GALNT7: variants seen among roughly 807,000 people sequenced by gnomAD.
GALNT7 encodes the protein polypeptide N-acetylgalactosaminyltransferase 7.
GALNT7 carries 60 observed loss-of-function variants against 82.1 expected under a neutral mutation model. The observed-to-expected ratio is 0.73, with a 90% confidence interval of 0.59 to 0.91. The LOEUF is 0.91. GALNT7 is among the 40% of genes least tolerant of loss of function. The pLI, the probability that GALNT7 is intolerant of heterozygous loss-of-function variation, is 0.00. For synonymous variants in GALNT7, 243 were observed against 275.1 expected (o/e 0.88, Z 1.15); for missense variants, 660 against 804.2 (o/e 0.82, Z 2.17).
At position 173,224,740 on chromosome 4, in the gene GALNT7, C is replaced by T. The variant is rs566656011; in HGVS notation, c.127-23240C>T. On this transcript the variant is annotated intron_variant, in intron 1 of 11. Coordinates refer to ENST00000265000, the MANE Select transcript of GALNT7 (RefSeq NM_017423.3). ...TAAAAATGCAAATATTGGCCGGGCG[C>T]GGTGGCTCACGCCTGTAATCCCAGC... Among the ~76,000 whole-genome samples the T allele has an allele frequency of 1.2e-3, 186 of 151,984 alleles. 1 individual carries two copies. Among genetic ancestry groups the T allele is most frequent in the African/African-American group, 3.8e-3 (156 of 41,448 alleles).
chr4:173,170,221 A>G (rs1298541184), intron 1 of GALNT7, among the ~76,000 whole-genome samples: 2 of 152,186 alleles, frequency 1.3e-5, no homozygotes, highest in Admixed American at 6.5e-5. Flanking sequence ...AGGAGAGGGT[A>G]TGAGGGGCTC....
intron 2 of GALNT7, among the ~76,000 whole-genome samples, chr4:173,262,702 AT>A (rs1265938693): frequency 6.6e-6 from 1 of 152,212 alleles, no homozygotes; most frequent in Non-Finnish European, 1.5e-5. Context: ...CTATTAAAAA[AT>A]AAATCATAAA....
chr4:173,190,924 A>C (rs552372058), intron 1 of GALNT7, among the ~76,000 whole-genome samples: 3 of 152,338 alleles, frequency 2.0e-5, no homozygotes, highest in African/African-American at 7.2e-5. Flanking sequence ...AAAAATCACT[A>C]TCAGACCCCA....
At chr4:173,233,682 G>A (rs1734116060) in intron 1 of GALNT7, among the ~76,000 whole-genome samples, 1 of 152,094 alleles carries the variant, frequency 6.6e-6, no homozygotes, top group African/African-American at 2.4e-5. Flanking sequence ...GGGGTTGTCC[G>A]CCTCCCAGCC....
intron 1 of GALNT7, among the ~76,000 whole-genome samples, chr4:173,235,995 CT>C (rs1351301885): frequency 6.6e-6 from 1 of 152,178 alleles, no homozygotes; most frequent in Non-Finnish European, 1.5e-5. Context: ...ATTTGCTTAC[CT>C]TTGTATCTCT....
At chr4:173,199,880 G>C (rs1561151269) in intron 1 of GALNT7, among the ~76,000 whole-genome samples, 1 of 152,094 alleles carries the variant, frequency 6.6e-6, no homozygotes, top group Non-Finnish European at 1.5e-5. Context: ...AATAAAAATG[G>C]ATTATCATAA....
intron 1 of GALNT7, among the ~76,000 whole-genome samples, chr4:173,184,895 T>C (rs891238517): frequency 6.6e-6 from 1 of 152,178 alleles, no homozygotes; most frequent in African/African-American, 2.4e-5. Context: ...CAGTTTTACA[T>C]GATAACCATA....
At chr4:173,200,979 T>C (rs2126653333) in intron 1 of GALNT7, among the ~76,000 whole-genome samples, 1 of 152,282 alleles carries the variant, frequency 6.6e-6, no homozygotes, top group Middle Eastern at 3.4e-3. Context: ...GGTATTTTCA[T>C]AGAGGTATTT....
intron 2 of GALNT7, among the ~76,000 whole-genome samples, chr4:173,252,905 G>C (rs1010774149): frequency 6.6e-6 from 1 of 152,060 alleles, no homozygotes; most frequent in Non-Finnish European, 1.5e-5. Context: ...AGGGGAGTCA[G>C]AAAAGGATAC....
chr4:173,259,250 A>G (rs566737180), intron 2 of GALNT7, among the ~76,000 whole-genome samples: 3 of 152,334 alleles, frequency 2.0e-5, no homozygotes, highest in African/African-American at 7.2e-5. Context: ...CAGATTGATG[A>G]AATGGGACAA....
chr4:173,238,793 A>G (rs1032738714), intron 1 of GALNT7, among the ~76,000 whole-genome samples: 11 of 152,234 alleles, frequency 7.2e-5, no homozygotes, highest in South Asian at 6.2e-4. Context: ...TAGAACTTAC[A>G]TAGATTTTAT....
At chr4:173,298,001 T>G (rs752128074) in intron 5 of GALNT7, 114 bp from the exon 6 acceptor site, 1 of 1,519,606 alleles carries the variant, frequency 6.6e-7, no homozygotes, top group South Asian at 1.3e-5. Context: ...CTTTATTTTC[T>G]TATGTTGAAT....
rs553982934 is a variant in GALNT7 at position 173,270,814 on chromosome 4, G to A, written c.588-21294G>A. Among the ~76,000 whole-genome samples the A allele has an allele frequency of 9.9e-5, 15 of 152,222 alleles. 1 individual carries two copies. The South Asian group carries it at 3.1e-3, about 32-fold the overall frequency. ...ATCTTTGTTTGTGTTTTCCTTTCCC[G>A]CTTAAGCACATTTATCTTTGCTTTT... On this transcript the variant is annotated intron_variant, in intron 2 of 11. Transcript: ENST00000265000.
intron 1 of GALNT7, among the ~76,000 whole-genome samples, chr4:173,234,921 C>T (rs996990090): frequency 2.0e-5 from 3 of 152,240 alleles, no homozygotes; most frequent in Non-Finnish European, 4.4e-5. Flanking sequence ...TGCATGGAAG[C>T]AGCCTGAGGC....
intron 1 of GALNT7, among the ~76,000 whole-genome samples, chr4:173,195,379 G>A (rs549023285): frequency 6.6e-6 from 1 of 152,242 alleles, no homozygotes; most frequent in Admixed American, 6.5e-5. Context: ...TGCAATTCAC[G>A]TTTGAAACAG....
rs1733035331 is a variant in GALNT7 at position 173,204,731 on chromosome 4, TTATTTCTCTG to T, written c.126+35771_126+35780del. Among the ~76,000 whole-genome samples the T allele has an allele frequency of 3.3e-5, 5 of 152,246 alleles. 1 individual carries two copies. In the South Asian group the frequency reaches 1.0e-3, roughly 31 times the overall value. ...TTATTGTTTTCTTGACTTTATTGAA[TTATTTCTCTG>T]CATTTAAGTTTCCTTAAAACAATTA... is the stretch of plus-strand genomic sequence containing the variant. On this transcript the variant is annotated intron_variant, in intron 1 of 11. Coordinates refer to ENST00000265000, the MANE Select transcript of GALNT7 (RefSeq NM_017423.3).
At chr4:173,304,152 A>T in intron 8 of GALNT7, 34 bp downstream of exon 8, 1 of 1,595,740 alleles carries the variant, frequency 6.3e-7, no homozygotes. Context: ...AGGACAGGGA[A>T]CTAACATTTA....
chr4:173,242,713 C>T (rs767009676), intron 1 of GALNT7, among the ~76,000 whole-genome samples: 6 of 152,220 alleles, frequency 3.9e-5, no homozygotes, highest in Admixed American at 2.0e-4. Context: ...GGCTGGTGCA[C>T]TCCACATTCC....
intron 1 of GALNT7, among the ~76,000 whole-genome samples, chr4:173,204,232 T>G (rs527341125): frequency 6.6e-6 from 1 of 152,354 alleles, no homozygotes; most frequent in South Asian, 2.1e-4. Context: ...ATATGTTATT[T>G]GCTTCTTTTC....
Sources: gnomAD v4.1 joint callset for allele counts (sites outside exome capture counted in the v4.1 genomes callset) on GRCh38, gnomAD v4.1.1 for gene constraint, MANE v1.5 for transcripts, NCBI Gene and HGNC (gene_info 2026-07-23, HGNC 2026-07-21) for gene names.